The following RGPD3 variants were observed in gnomAD, a reference collection of about 807,000 sequenced individuals.
The protein encoded by RGPD3 is ranBP2-like and GRIP domain-containing protein 3.
In RGPD3, 62 loss-of-function variants were observed where a neutral mutation model predicts 154.5. The observed-to-expected ratio is 0.40, with a 90% CI of 0.33 to 0.50. RGPD3 has a LOEUF of 0.50. Among genes scored for constraint, RGPD3 ranks in the 20% least tolerant of loss-of-function variants. The pLI is 0.59. For synonymous variants in RGPD3, 308 were observed against 607.0 expected (o/e 0.51, Z 7.24); for missense variants, 919 against 1,716.8 (o/e 0.54, Z 8.21).
At chr2:106,445,221 G>A (rs1243333578) in intron 7 of RGPD3, among the ~76,000 whole-genome samples, 5 of 145,524 alleles carry the variant, frequency 3.4e-5, no homozygotes, top group African/African-American at 7.7e-5. Flanking sequence ...CCCAGGAGGC[G>A]GAGCTTGCAG....
chr2:106,463,105 C>T (rs529049650), intron 1 of RGPD3, among the ~76,000 whole-genome samples: 73 of 151,902 alleles, frequency 4.8e-4, no homozygotes, highest in Non-Finnish European at 8.8e-4. Flanking sequence ...TTTCAGAAAA[C>T]CTTTGTTACC....
chr2:106,441,997 C>T (rs1478993460), intron 7 of RGPD3, among the ~76,000 whole-genome samples: 32 of 134,126 alleles, frequency 2.4e-4, no homozygotes, highest in African/African-American at 7.1e-4. Flanking sequence ...CTGAACAACA[C>T]GGTGAGACCC....
At chr2:106,415,674 C>CAAAAAAAAAAAAAAAAAAAAA (rs879163469) in intron 21 of RGPD3, among the ~76,000 whole-genome samples, 176 bp downstream of exon 21, 1 of 44,754 alleles carries the variant, frequency 2.2e-5, no homozygotes, top group African/African-American at 1.0e-4. Context: ...AAGACTGTCT[C>CAAAAAAAAAAAAAAAAAAAAA]AAAAAAAAAA....
intron 1 of RGPD3, among the ~76,000 whole-genome samples, chr2:106,461,896 A>G (rs11124109): frequency 0.78 from 118,168 of 151,518 alleles, 46,301 homozygotes; most frequent in East Asian, 1. Context: ...AGCACGTAAA[A>G]GAACAAGGCT....
At chr2:106,466,474 G>C (rs11689365) in intron 1 of RGPD3, among the ~76,000 whole-genome samples, 2,377 of 93,232 alleles carry the variant, frequency 0.025, 43 homozygotes, top group Non-Finnish European at 0.032. Context: ...GTCGAGGCCG[G>C]CGCCTCAACA....
intron 17 of RGPD3, among the ~76,000 whole-genome samples, chr2:106,432,117 T>G (rs1470462537): frequency 6.7e-6 from 1 of 148,844 alleles, no homozygotes; most frequent in African/African-American, 2.5e-5. Flanking sequence ...GGTCTCAAAT[T>G]TTGTGAAAGA....
Position 106,425,170 on chromosome 2 carries a change from G to A in RGPD3, c.2797C>T (p.Gln933Ter), listed in dbSNP as rs1677158015. Residue 933 changes from glutamine to a stop codon, truncating the protein, a stop_gained, in exon 20 of 23, where the codon CAA (glutamine) becomes TAA (stop). Transcript: ENST00000409886. LOFTEE classifies it high-confidence loss of function. ...AGAGGCTTTTCACTTTTCTTTTCTT[G>A]ATTTCCTGGTTCCGAAATGCCAAAT... Reference protein sequence around the residue: ...FKFGISEPGNQEKKSEKPLEN... With the variant: ...FKFGISEPGN 6.2e-7 allele frequency: 1 copy of A among 1,611,568 alleles called. No homozygotes were observed. The highest frequency in any genetic ancestry group is 1.3e-5 in the African/African-American group (1 of 74,738).
In RGPD3 at chr2:106,468,207, AC is replaced by A; in HGVS notation, c.72+9del. 6.2e-7 allele frequency: 1 copy of A among 1,602,756 alleles called. No homozygotes were observed. The highest frequency in any genetic ancestry group is 2.2e-5 in the East Asian group (1 of 44,492). Reference sequence around the variant, plus strand: ...GGTCGAGGCCGTCGGTCTCTTCCAGACCCACTCACCTTTCGAGGCGACGGGG... The same window carrying A: ...GGTCGAGGCCGTCGGTCTCTTCCAGACCACTCACCTTTCGAGGCGACGGGG... On this transcript the variant is annotated intron_variant, in intron 1 of 22. Transcript: ENST00000409886.
At position 106,418,197 on chromosome 2, in the gene RGPD3, C is replaced by T. The variant is rs183600978; in HGVS notation, c.4925-2208G>A. Reference sequence around the variant, plus strand: ...ACTACGTTAGTCATTTTAATAGCAGCTATAAATTAATTGCTACTAGCTAAG... The same window carrying T: ...ACTACGTTAGTCATTTTAATAGCAGTTATAAATTAATTGCTACTAGCTAAG... On this transcript the variant is annotated intron_variant, in intron 20 of 22. Coordinates refer to ENST00000409886, the MANE Select transcript of RGPD3 (RefSeq NM_001144013.2). 5.3e-3 allele frequency among the ~76,000 whole-genome samples: 769 copies of T among 145,074 alleles called. 50 individuals are homozygous for T. The highest frequency in any genetic ancestry group is 0.017 in the African/African-American group (696 of 40,032).
intron 1 of RGPD3, among the ~76,000 whole-genome samples, chr2:106,464,328 G>A (rs1349456684): frequency 3.1e-5 from 4 of 131,016 alleles, no homozygotes; most frequent in African/African-American, 8.7e-5. Flanking sequence ...ACGATAGAGC[G>A]AGACTCCATC....
At chr2:106,432,813 C>G in intron 17 of RGPD3, 122 bp downstream of exon 17, 1 of 1,048,438 alleles carries the variant, frequency 9.5e-7, no homozygotes, top group Non-Finnish European at 1.3e-6. Flanking sequence ...CCAAAATGTC[C>G]CCTTGCCATA....
chr2:106,406,171 T>TA (rs1258435055), intron 22 of RGPD3, among the ~76,000 whole-genome samples: 3 of 146,034 alleles, frequency 2.1e-5, no homozygotes, highest in Admixed American at 1.4e-4. Flanking sequence ...TTTAATCATT[T>TA]AAAAATCATG....
chr2:106,411,215 T>C (rs1403543546), intron 22 of RGPD3, among the ~76,000 whole-genome samples: 2 of 137,224 alleles, frequency 1.5e-5, no homozygotes, highest in African/African-American at 2.7e-5. Flanking sequence ...AGTTTAGTTA[T>C]TAGGGTTTAC....
At chr2:106,439,804 T>G (rs2104483603) in intron 8 of RGPD3, among the ~76,000 whole-genome samples, 1 of 96,446 alleles carries the variant, frequency 1.0e-5, no homozygotes, top group African/African-American at 3.7e-5. Flanking sequence ...AGGCGGAGCT[T>G]GCAGTGAGCC....
chr2:106,423,958 G>A lies in RGPD3; in HGVS notation c.4009C>T (p.Pro1337Ser), dbSNP rs780580478. Reference protein sequence around the residue: ...EEERDGQYFEPVVPLPDLVEV... With the variant: ...EEERDGQYFESVVPLPDLVEV... Reference sequence around the variant, plus strand: ...ACTAGATCAGGTAAAGGAACAACAGGTTCAAAGTACTGTCCATCTCTCTCT... The same window carrying A: ...ACTAGATCAGGTAAAGGAACAACAGATTCAAAGTACTGTCCATCTCTCTCT... Residue 1337 changes from proline (P) to serine (S), a missense_variant, in exon 20 of 23, where the codon CCT (proline) becomes TCT (serine). Coordinates refer to ENST00000409886, the MANE Select transcript of RGPD3 (RefSeq NM_001144013.2). 9.9e-6 allele frequency: 16 copies of A among 1,611,690 alleles called. No homozygotes were observed. The highest frequency in any genetic ancestry group is 9.9e-5 in the South Asian group (9 of 90,970).
intron 21 of RGPD3, among the ~76,000 whole-genome samples, chr2:106,415,003 G>T: frequency 6.6e-6 from 1 of 152,114 alleles, no homozygotes; most frequent in Non-Finnish European, 1.5e-5. Context: ...CAGGGCCTGG[G>T]TCATAAGAAC....
intron 1 of RGPD3, among the ~76,000 whole-genome samples, chr2:106,465,425 T>C (rs1230388261): frequency 2.0e-5 from 3 of 152,142 alleles, no homozygotes; most frequent in African/African-American, 7.2e-5. Context: ...CGTCAAAATC[T>C]TGCCACCACT....
chr2:106,439,712 A>C (rs1021208976), intron 8 of RGPD3, among the ~76,000 whole-genome samples: 1 of 30,640 alleles, frequency 3.3e-5, no homozygotes, highest in African/African-American at 1.2e-4. Context: ...CACACACAAA[A>C]AAAATTAGCC....
chr2:106,465,266 C>T (rs971415982), intron 1 of RGPD3, among the ~76,000 whole-genome samples: 47 of 152,200 alleles, frequency 3.1e-4, no homozygotes, highest in Non-Finnish European at 5.1e-4. Context: ...TTCACTCAAA[C>T]CTAACTTCAC....
Sources: allele counts gnomAD v4.1 joint callset (sites outside exome capture counted in the v4.1 genomes callset), GRCh38; gene constraint gnomAD v4.1.1; transcripts MANE v1.5; gene names NCBI Gene and HGNC (gene_info 2026-07-23, HGNC 2026-07-21).